PRKCQ: variants seen among roughly 807,000 people sequenced by gnomAD.
PRKCQ encodes the protein protein kinase C theta.
A neutral mutation model predicts 91.2 loss-of-function variants in PRKCQ; 41 were observed. The ratio of observed to expected loss-of-function variants is 0.45; its 90% CI spans 0.35 to 0.58. The LOEUF (loss-of-function observed/expected upper bound fraction) is 0.58. Ranked by LOEUF, PRKCQ falls within the 20% of genes least tolerant of loss-of-function variation. The pLI is 0.00. For missense variants in PRKCQ, 673 were observed against 896.5 expected, an observed-to-expected ratio of 0.75 and a Z score of 3.18; for synonymous variants, 307 against 316.9, an observed-to-expected ratio of 0.97 and a Z score of 0.33.
rs1364390304 is a variant in PRKCQ, at chr10:6,539,970, T to G, written c.-9-24826A>C. ...GATTCTGCCCTCTGGTTACTCTGAATAAGTGGAATTCATGTAATGCCTCTG... is the reference window on the plus strand; with the variant it reads ...GATTCTGCCCTCTGGTTACTCTGAAGAAGTGGAATTCATGTAATGCCTCTG... On this transcript the variant is annotated intron_variant, in intron 1 of 17. Coordinates refer to ENST00000263125, the MANE Select transcript of PRKCQ (RefSeq NM_006257.5). 5.9e-5 allele frequency among the ~76,000 whole-genome samples: 9 copies of G among 152,386 alleles called. No homozygotes were observed. In the East Asian group the frequency reaches 1.5e-3, roughly 26 times the overall value.
chr10:6,520,590 C>T (rs1432013536), intron 1 of PRKCQ, among the ~76,000 whole-genome samples: 2 of 152,178 alleles, frequency 1.3e-5, no homozygotes, highest in Non-Finnish European at 2.9e-5. Context: ...CTCCCTGCCC[C>T]CTTCCTCATC....
chr10:6,432,263 G>A (rs1365232881), intron 16 of PRKCQ, among the ~76,000 whole-genome samples: 1 of 152,156 alleles, frequency 6.6e-6, no homozygotes, highest in Non-Finnish European at 1.5e-5. Context: ...TAGCCAGCCT[G>A]CATGTTCTGA....
Position 6,510,944 on chromosome 10 carries a change from C to T in PRKCQ, c.318+51G>A, listed in dbSNP as rs766804824. On this transcript the variant is annotated intron_variant, in intron 3 of 17. Transcript: ENST00000263125. Reference sequence around the variant, plus strand: ...GACATGGGAGTTCTGAGCCAGTCATCGGCTACCATCATGCTTATCCCTTAT... The same window carrying T: ...GACATGGGAGTTCTGAGCCAGTCATTGGCTACCATCATGCTTATCCCTTAT... The T allele has an allele frequency of 4.4e-5, 70 of 1,602,894 alleles. 1 individual carries two copies. In the Admixed American group the frequency reaches 5.2e-4, roughly 12 times the overall value.
At chr10:6,419,685 CTTTTTTTTTTTT>C in the PRKCQ span, among the ~76,000 whole-genome samples, 2 of 108,006 alleles carry the variant, frequency 1.9e-5, no homozygotes, top group South Asian at 7.1e-4. Flanking sequence ...CTGAAATCTC[CTTTTTTTTTTTT>C]TTTTTTTTTG....
At chr10:6,508,698 A>G (rs947483955) in intron 3 of PRKCQ, among the ~76,000 whole-genome samples, 4 of 152,232 alleles carry the variant, frequency 2.6e-5, no homozygotes, top group African/African-American at 9.6e-5. Flanking sequence ...GAGCTATGGT[A>G]AGGGGCCTGC....
At chr10:6,425,287 C>T (rs945602132), downstream of PRKCQ, among the ~76,000 whole-genome samples, 9 of 150,412 alleles carry the variant, frequency 6.0e-5, no homozygotes, top group Admixed American at 2.0e-4. Context: ...TGCAGTAGCG[C>T]GATCTCAGCT....
In PRKCQ at chr10:6,465,475, T is replaced by C. The variant is rs970152249; in HGVS notation, c.1354-1071A>G. 5.9e-5 allele frequency among the ~76,000 whole-genome samples: 9 copies of C among 152,178 alleles called. No individual in the cohort carries two copies. Among genetic ancestry groups the C allele is most frequent in the Non-Finnish European group, 1.0e-4 (7 of 68,036 alleles). The stretch of plus-strand genomic sequence containing the variant: ...TCAATGATGTGAGACAATTTTTTTT[T>C]CCAATAAATGTATTTATAACACTTT... On this transcript the variant is annotated intron_variant, in intron 12 of 17. Transcript: ENST00000263125. The surrounding 1 kb of genome is among the most constrained non-coding windows in gnomAD (Gnocchi z 4.4).
chr10:6,403,250 C>A, the PRKCQ span, among the ~76,000 whole-genome samples: 1 of 152,234 alleles, frequency 6.6e-6, no homozygotes, highest in African/African-American at 2.4e-5. Context: ...CGGCAGGATT[C>A]AGACTTCTCA....
intron 15 of PRKCQ, among the ~76,000 whole-genome samples, chr10:6,446,567 T>C (rs1054053298): frequency 1.3e-5 from 2 of 152,018 alleles, no homozygotes; most frequent in African/African-American, 4.8e-5. Flanking sequence ...GGTTTCACCA[T>C]GTTGGCCAGG....
intron 1 of PRKCQ, among the ~76,000 whole-genome samples, chr10:6,567,074 G>T (rs889691144): frequency 6.6e-6 from 1 of 152,044 alleles, no homozygotes; most frequent in Non-Finnish European, 1.5e-5. Context: ...GAGAAGACTC[G>T]GTACATGCTC....
Position 6,479,099 on chromosome 10 carries a change from C to A in PRKCQ, c.1246G>T (p.Val416Phe), listed in dbSNP as rs775187977. ...CACTCAACATCATCGTCCATCAAGA[C>A]CACATCTTTCTTTAAGGCCTTTATT... ...FAIKALKKDV[V>F]LMDDDVECTM... Residue 416 changes from valine (V) to phenylalanine (F), a missense_variant, in exon 12 of 18, where the codon GTC becomes TTC. By Grantham distance (50) the Val-to-Phe change is conservative. Transcript: ENST00000263125. 6.2e-7 allele frequency: 1 copy of A among 1,614,064 alleles called. No individual in the cohort carries two copies. Among genetic ancestry groups the A allele is most frequent in the African/African-American group, 1.3e-5 (1 of 74,924 alleles).
At chr10:6,515,171 G>C (rs1838696320) in intron 1 of PRKCQ, 27 bp from the exon 2 acceptor site, 1 of 1,610,882 alleles carries the variant, frequency 6.2e-7, no homozygotes, top group South Asian at 1.1e-5. Context: ...GACAAACGCT[G>C]TTTGGGGGCT....
At chr10:6,509,349 G>A (rs1838354580) in intron 3 of PRKCQ, among the ~76,000 whole-genome samples, 2 of 151,998 alleles carry the variant, frequency 1.3e-5, no homozygotes, top group African/African-American at 4.8e-5. Context: ...AATTGAGAAG[G>A]AAACATGAAT....
At chr10:6,488,139 T>G (rs1259269998) in intron 8 of PRKCQ, among the ~76,000 whole-genome samples, 1 of 152,194 alleles carries the variant, frequency 6.6e-6, no homozygotes, top group Non-Finnish European at 1.5e-5. Flanking sequence ...TATGACATCA[T>G]GCAGTCTTAA....
chr10:6,491,667 C>T lies in PRKCQ; in HGVS notation c.790+16G>A, dbSNP rs768648346. ...GGGGTCCACGTCGGGCCATGCTCAT[C>T]CCCCACTGGACTCACCATCACACTT... On this transcript the variant is annotated intron_variant, in intron 8 of 17. Coordinates refer to ENST00000263125, the MANE Select transcript of PRKCQ (RefSeq NM_006257.5). The T allele has an allele frequency of 3.7e-6, 6 of 1,613,568 alleles. No individual in the cohort carries two copies. The African/African-American group carries it at 8.0e-5, about 22-fold the overall frequency.
chr10:6,492,010 G>A (rs145204778), intron 7 of PRKCQ, among the ~76,000 whole-genome samples, 198 bp from the exon 8 acceptor site: 25 of 152,320 alleles, frequency 1.6e-4, no homozygotes, highest in South Asian at 6.2e-4. Flanking sequence ...TGTACGTGAC[G>A]GGGCATGCTT....
rs554153246 is a variant in PRKCQ, at chr10:6,514,624, G to A, written c.118+394C>T. Among the ~76,000 whole-genome samples, 3 of 152,282 alleles carry A rather than the reference G, an allele frequency of 2.0e-5. No homozygotes were observed. The East Asian group carries it at 5.8e-4, about 29-fold the overall frequency. Reference sequence around the variant, plus strand: ...GCAGCAGTAAGCAGTCTTTAGAGTTGGTTGGAAGATTATGCAGTCTTAATC... The same window carrying A: ...GCAGCAGTAAGCAGTCTTTAGAGTTAGTTGGAAGATTATGCAGTCTTAATC... On this transcript the variant is annotated intron_variant, in intron 2 of 17. Transcript: ENST00000263125.
chr10:6,506,128 T>C (rs1244152198), intron 4 of PRKCQ, among the ~76,000 whole-genome samples: 1 of 152,152 alleles, frequency 6.6e-6, no homozygotes, highest in African/African-American at 2.4e-5. Context: ...AAAGTTGTAC[T>C]ATGTGTACTG....
At chr10:6,506,217 T>G (rs1454104316) in intron 4 of PRKCQ, among the ~76,000 whole-genome samples, 1 of 152,214 alleles carries the variant, frequency 6.6e-6, no homozygotes, top group Non-Finnish European at 1.5e-5. Context: ...CTTTCTTTCT[T>G]TTAAAAAAAT....
Sources: allele counts gnomAD v4.1 joint callset (sites outside exome capture counted in the v4.1 genomes callset), GRCh38; gene constraint gnomAD v4.1.1; non-coding constraint Gnocchi (gnomAD v3.1); transcripts MANE v1.5; gene names NCBI Gene and HGNC (gene_info 2026-07-23, HGNC 2026-07-21).